The following ANO10 variants were observed in gnomAD, a reference collection of about 807,000 sequenced individuals.
ANO10 encodes the protein anoctamin 10, also known as anoctamin-10.
In ANO10, 77 loss-of-function variants were observed where a neutral mutation model predicts 74.7. The ratio of observed to expected loss-of-function variants is 1.03; its 90% confidence interval spans 0.86 to 1.25. The LOEUF is 1.25. Ranked by LOEUF, ANO10 falls within the 50% of genes most tolerant of loss-of-function variation. The probability of loss-of-function intolerance (pLI) is 0.00; values close to 1 mark genes in which losing one functional copy is unlikely to be tolerated. For missense variants in ANO10, 721 were observed against 778.1 expected (o/e 0.93, Z 0.87); for synonymous variants, 279 against 284.9 (o/e 0.98, Z 0.21).
chr3:43,376,695 TA>T (rs1417846331), intron 12 of ANO10, among the ~76,000 whole-genome samples: 2 of 152,162 alleles, frequency 1.3e-5, no homozygotes, highest in Non-Finnish European at 1.5e-5. Context: ...TTGCAAATAA[TA>T]ATGTAAAAAT....
chr3:43,595,656 T>C (rs1262062607), intron 4 of ANO10, among the ~76,000 whole-genome samples: 1 of 152,176 alleles, frequency 6.6e-6, no homozygotes, highest in African/African-American at 2.4e-5. Flanking sequence ...GCCAATATCA[T>C]ACTGAATGGG....
At chr3:43,375,618 C>A (rs915511346) in intron 12 of ANO10, among the ~76,000 whole-genome samples, 6 of 152,098 alleles carry the variant, frequency 3.9e-5, no homozygotes, top group African/African-American at 1.4e-4. Flanking sequence ...GAGACACTTC[C>A]TTTAAACACA....
At chr3:43,505,639 C>T (rs2077266919) in intron 11 of ANO10, among the ~76,000 whole-genome samples, 1 of 152,216 alleles carries the variant, frequency 6.6e-6, no homozygotes, top group Non-Finnish European at 1.5e-5. Flanking sequence ...AGAACCAAAA[C>T]ACTGTCATTT....
chr3:43,438,030 T>C (rs1398078387), intron 11 of ANO10, among the ~76,000 whole-genome samples: 1 of 152,032 alleles, frequency 6.6e-6, no homozygotes, highest in African/African-American at 2.4e-5. Context: ...CACAGGCAAC[T>C]AAATAAAATG....
chr3:43,676,816 C>G (rs565203102), intron 1 of ANO10, among the ~76,000 whole-genome samples: 2 of 151,896 alleles, frequency 1.3e-5, no homozygotes, highest in Non-Finnish European at 2.9e-5. Context: ...TGAAAAAAAT[C>G]TTGAATTAAA....
In ANO10 at chr3:43,676,388, T is replaced by G. The variant is rs117127914; in HGVS notation, c.-12+15129A>C. On this transcript the variant is annotated intron_variant, in intron 1 of 3. Coordinates refer to the ANO10 transcript ENST00000413397. ...GCCAGGAGGATTGTTTAAGCATAGA[T>G]GATCAAGGCCGTACTGAGCCAGGTT... Among the ~76,000 whole-genome samples the G allele has an allele frequency of 1.5e-3, 221 of 151,970 alleles. 4 individuals are homozygous for G. The East Asian group carries it at 0.033, about 22-fold the overall frequency.
chr3:43,400,490 TC>T (rs2092461045), intron 12 of ANO10, among the ~76,000 whole-genome samples: 1 of 152,084 alleles, frequency 6.6e-6, no homozygotes, highest in African/African-American at 2.4e-5. Context: ...GAAGATCTTT[TC>T]TGATTGGGCA....
chr3:43,563,727 A>G (rs1278247381), intron 8 of ANO10, among the ~76,000 whole-genome samples: 1 of 152,178 alleles, frequency 6.6e-6, no homozygotes, highest in African/African-American at 2.4e-5. Context: ...GGAGGTCATT[A>G]TGTTAAGTGA....
At chr3:43,487,196 T>C (rs1175235009) in intron 11 of ANO10, among the ~76,000 whole-genome samples, 1 of 151,184 alleles carries the variant, frequency 6.6e-6, no homozygotes, top group African/African-American at 2.4e-5. Context: ...TGCTGCTGGA[T>C]TCGTTTTGCC....
At chr3:43,561,885 T>C (rs1352487359) in intron 8 of ANO10, among the ~76,000 whole-genome samples, 1 of 152,230 alleles carries the variant, frequency 6.6e-6, no homozygotes, top group African/African-American at 2.4e-5. Context: ...TGCAATTGTG[T>C]TCTTCGACAT....
At chr3:43,436,528 GCA>G (rs1399081951) in intron 11 of ANO10, among the ~76,000 whole-genome samples, 1 of 152,030 alleles carries the variant, frequency 6.6e-6, no homozygotes, top group Non-Finnish European at 1.5e-5. Flanking sequence ...TTTAAAACTA[GCA>G]AATACAAAGA....
At chr3:43,420,570 T>G (rs2092805462) in intron 12 of ANO10, among the ~76,000 whole-genome samples, 1 of 152,036 alleles carries the variant, frequency 6.6e-6, no homozygotes, top group South Asian at 2.1e-4. Context: ...AACAAAAAAT[T>G]TCCTATTTTA....
intron 11 of ANO10, among the ~76,000 whole-genome samples, chr3:43,477,770 C>A (rs924052254): frequency 1.3e-5 from 2 of 152,168 alleles, no homozygotes; most frequent in East Asian, 1.9e-4. Flanking sequence ...ACGTGGCCTT[C>A]CTGTTTGGGC....
rs1224505693 is a variant in ANO10 at position 43,670,353 on chromosome 3, TA to T, written c.-12+21163del. Among the ~76,000 whole-genome samples the T allele has an allele frequency of 4.7e-5, 7 of 149,900 alleles. No homozygotes were observed. The East Asian group carries it at 5.9e-4, about 13-fold the overall frequency. On this transcript the variant is annotated intron_variant, in intron 1 of 3. Coordinates refer to the ANO10 transcript ENST00000413397. ...ATAAATAAATAAATAAATAAATAAA[TA>T]AAATAATAAATCTGGAGATCATTTC... is the stretch of plus-strand genomic sequence containing the variant.
chr3:43,405,461 T>G (rs553979198), intron 12 of ANO10, among the ~76,000 whole-genome samples: 1 of 152,344 alleles, frequency 6.6e-6, no homozygotes, highest in Non-Finnish European at 1.5e-5. Flanking sequence ...TATGAGAAAC[T>G]GGCAAATTAT....
At chr3:43,600,335 T>C (rs1440693334) in intron 3 of ANO10, 49 bp downstream of exon 3, 1 of 1,597,782 alleles carries the variant, frequency 6.3e-7, no homozygotes, top group Non-Finnish European at 8.6e-7. Context: ...CATCATAAAC[T>C]TCTTTTTGAT....
At chr3:43,613,311 T>C (rs765132598) in intron 1 of ANO10, among the ~76,000 whole-genome samples, 1 of 152,106 alleles carries the variant, frequency 6.6e-6, no homozygotes, top group Non-Finnish European at 1.5e-5. Context: ...TCCAAATAGC[T>C]AATAATGCAG....
At chr3:43,624,082 A>G, upstream of ANO10, among the ~76,000 whole-genome samples, 1 of 152,202 alleles carries the variant, frequency 6.6e-6, no homozygotes, top group East Asian at 1.9e-4. Context: ...TTTCATCTCC[A>G]CAATTAACAA....
At chr3:43,565,411 T>G (rs565515361) in intron 8 of ANO10, among the ~76,000 whole-genome samples, 1 of 152,338 alleles carries the variant, frequency 6.6e-6, no homozygotes, top group South Asian at 2.1e-4. Context: ...TGAGGTGAAC[T>G]ATATAATTGA....
Sources: gnomAD v4.1 joint callset for allele counts (sites outside exome capture counted in the v4.1 genomes callset) on GRCh38, gnomAD v4.1.1 for gene constraint, MANE v1.5 for transcripts, NCBI Gene and HGNC (gene_info 2026-07-23, HGNC 2026-07-21) for gene names.